STX17: variants seen among roughly 807,000 people sequenced by gnomAD.
STX17 encodes the protein syntaxin-17.
STX17 carries 29 observed loss-of-function variants against 35.9 expected under a neutral mutation model. The observed-to-expected ratio is 0.81, with a 90% CI of 0.60 to 1.10. The LOEUF (loss-of-function observed/expected upper bound fraction) is 1.10. Ranked by LOEUF, STX17 falls within the 50% of genes least tolerant of loss-of-function variation. The pLI, the probability that STX17 is intolerant of heterozygous loss-of-function variation, is 0.00. For missense variants in STX17, 312 were observed against 352.3 expected (o/e 0.89, Z 0.92); for synonymous variants, 92 against 118.3 (o/e 0.78, Z 1.44).
intron 4 of STX17, among the ~76,000 whole-genome samples, chr9:99,956,170 A>G (rs926665134): frequency 1.3e-5 from 2 of 152,130 alleles, no homozygotes; most frequent in Admixed American, 6.5e-5. Context: ...ATGCATACGT[A>G]GTTTGGTTTC....
At chr9:99,959,062 A>G (rs967374452) in intron 4 of STX17, among the ~76,000 whole-genome samples, 1 of 152,238 alleles carries the variant, frequency 6.6e-6, no homozygotes, top group East Asian at 1.9e-4. Context: ...TGGTATTTAC[A>G]TTGAAATAGC....
chr9:99,913,562 GT>G (rs1587908984), intron 1 of STX17, among the ~76,000 whole-genome samples: 1 of 151,926 alleles, frequency 6.6e-6, no homozygotes, highest in Non-Finnish European at 1.5e-5. Flanking sequence ...GGAATAGAAT[GT>G]TTTTGGATAT....
chr9:99,962,159 A>C (rs1829841915), intron 6 of STX17, among the ~76,000 whole-genome samples: 1 of 152,164 alleles, frequency 6.6e-6, no homozygotes, highest in Non-Finnish European at 1.5e-5. Context: ...TACTATGCTT[A>C]TGTTCCATAT....
At chr9:99,948,655 C>T (rs1829532214) in intron 3 of STX17, among the ~76,000 whole-genome samples, 1 of 152,116 alleles carries the variant, frequency 6.6e-6, no homozygotes, top group Non-Finnish European at 1.5e-5. Flanking sequence ...GCTGTTAGCA[C>T]AATCGATAAC....
In STX17 at chr9:99,951,097, G is replaced by A; in HGVS notation, c.227G>A (p.Cys76Tyr). The A allele has an allele frequency of 6.2e-7, 1 of 1,610,754 alleles. No homozygotes were observed. The highest frequency in any genetic ancestry group is 1.7e-5 in the Admixed American group (1 of 59,616). ...RSNIREIEKL[C>Y]LKVRKDDLVL... Reference sequence around the variant, plus strand: ...AATATCCGAGAAATTGAGAAACTTTGTTTGAAAGTCCGAAAGGATGACCTA... The same window carrying A: ...AATATCCGAGAAATTGAGAAACTTTATTTGAAAGTCCGAAAGGATGACCTA... Residue 76 changes from cysteine to tyrosine, a missense_variant, in exon 4 of 8, where the codon TGT (cysteine) becomes TAT (tyrosine). By Grantham distance (194) the Cys-to-Tyr change is radical (BLOSUM62 -2). Transcript: ENST00000259400.
intron 3 of STX17, chr9:99,929,936 A>C (rs1829079846): frequency 8.2e-6 from 1 of 121,922 alleles, no homozygotes; most frequent in Non-Finnish European, 1.6e-5. Context: ...TTTTTGCAAC[A>C]GAGTCTCACT....
intron 3 of STX17, among the ~76,000 whole-genome samples, chr9:99,950,852 A>T (rs1057214470): frequency 6.6e-6 from 1 of 152,008 alleles, no homozygotes; most frequent in Admixed American, 6.6e-5. Context: ...GAAAAATGCT[A>T]AATAAATTCA....
chr9:99,971,076 G>A lies in STX17; in HGVS notation c.*2403G>A, dbSNP rs1249929062. Among the ~76,000 whole-genome samples the A allele has an allele frequency of 6.6e-6, 1 of 152,214 alleles. No homozygotes were observed. The highest frequency in any genetic ancestry group is 2.1e-4 in the South Asian group (1 of 4,838). ...CTTTTTCATAGAAATTGCTAGAAGA[G>A]TTTGATCAACTATAAATGATAAAGT... On this transcript the variant is annotated 3_prime_UTR_variant, in exon 8 of 8. Transcript: ENST00000259400.
intron 6 of STX17, among the ~76,000 whole-genome samples, chr9:99,961,304 A>G (rs956869317): frequency 1.3e-5 from 2 of 152,196 alleles, no homozygotes; most frequent in Non-Finnish European, 2.9e-5. Context: ...CTGGTTAGGA[A>G]TCAATTGCAA....
At position 99,954,080 on chromosome 9, in the gene STX17, G is replaced by C. The variant is rs188766682; in HGVS notation, c.415+2795G>C. On this transcript the variant is annotated intron_variant, in intron 4 of 7. Coordinates refer to ENST00000259400, the MANE Select transcript of STX17 (RefSeq NM_017919.3). ...AAATGAAAAAATTGGAGCAGAGCCA[G>C]AGAATGAGGGAGAAGAAATAGCAGG... 37 of 152,154 alleles carry C rather than the reference G, an allele frequency of 2.4e-4. No individual in the cohort carries two copies. The East Asian group carries it at 6.9e-3, about 29-fold the overall frequency. 9.4% of individuals were successfully genotyped at this position (152,154 alleles called of 1,614,324 possible).
chr9:99,954,248 T>C (rs1023945520), intron 4 of STX17, among the ~76,000 whole-genome samples: 7 of 152,016 alleles, frequency 4.6e-5, no homozygotes, highest in Non-Finnish European at 7.4e-5. Context: ...ATTCTATTAA[T>C]AAAATCAATA....
At chr9:99,941,298 T>C (rs1271547109) in intron 3 of STX17, among the ~76,000 whole-genome samples, 1 of 152,214 alleles carries the variant, frequency 6.6e-6, no homozygotes, top group Non-Finnish European at 1.5e-5. Context: ...TCTTAGAAAC[T>C]TTACAGTTCA....
chr9:99,953,567 C>T, intron 4 of STX17, among the ~76,000 whole-genome samples: 1 of 152,146 alleles, frequency 6.6e-6, no homozygotes, highest in Admixed American at 6.6e-5. Flanking sequence ...TCACTTAGTG[C>T]AAACTGATGC....
chr9:99,928,559 G>T lies in STX17; in HGVS notation c.124-219G>T, dbSNP rs559951104. Among the ~76,000 whole-genome samples the T allele has an allele frequency of 3.9e-4, 59 of 151,986 alleles. No homozygotes were observed. In the South Asian group the frequency reaches 0.011, roughly 28 times the overall value. ...AAAATAAAATAACCTGCTTAGTGGG[G>T]TTTTTTTGGTTTATTTTATAATTTC... On this transcript the variant is annotated intron_variant, in intron 2 of 7. Coordinates refer to ENST00000259400, the MANE Select transcript of STX17 (RefSeq NM_017919.3).
intron 3 of STX17, among the ~76,000 whole-genome samples, chr9:99,938,803 GGAGGGAGGGAGGGAAGGACCTGATAA>G (rs1309212661): frequency 2.0e-5 from 3 of 149,914 alleles, no homozygotes; most frequent in South Asian, 4.3e-4. Context: ...AGGAAGGGAG[GGAGGGAGGGAGGGAAGGACCTGATAA>G]GAGGGAGGGA....
chr9:99,952,904 G>A (rs1458762504), intron 4 of STX17, among the ~76,000 whole-genome samples: 2 of 151,416 alleles, frequency 1.3e-5, no homozygotes, highest in Non-Finnish European at 2.9e-5. Context: ...GGGAGGGATA[G>A]CATTAGGAGA....
intron 3 of STX17, among the ~76,000 whole-genome samples, chr9:99,943,583 A>G (rs1049778096): frequency 6.6e-6 from 1 of 152,226 alleles, no homozygotes; most frequent in Non-Finnish European, 1.5e-5. Context: ...TGCTGAGATT[A>G]CAGGCGTGAG....
intron 3 of STX17, among the ~76,000 whole-genome samples, chr9:99,942,046 G>C (rs980118021): frequency 6.6e-6 from 1 of 152,190 alleles, no homozygotes; most frequent in African/African-American, 2.4e-5. Context: ...GTAATGCCAA[G>C]CTATTTTCCA....
chr9:99,936,045 AT>A, intron 3 of STX17, among the ~76,000 whole-genome samples: 1 of 152,202 alleles, frequency 6.6e-6, no homozygotes, highest in South Asian at 2.1e-4. Context: ...CTCTGCATAA[AT>A]ACTTTGAAAT....
Sources: gnomAD v4.1 joint callset for allele counts (sites outside exome capture counted in the v4.1 genomes callset) on GRCh38, gnomAD v4.1.1 for gene constraint, MANE v1.5 for transcripts, NCBI Gene and HGNC (gene_info 2026-07-23, HGNC 2026-07-21) for gene names.